The following THSD1 variants were observed in gnomAD, a reference collection of about 807,000 sequenced individuals.
THSD1 encodes thrombospondin type-1 domain-containing protein 1.
A neutral mutation model predicts 46.3 loss-of-function variants in THSD1; 34 were observed. The ratio of observed to expected loss-of-function variants is 0.74; its 90% CI spans 0.56 to 0.98. The LOEUF (loss-of-function observed/expected upper bound fraction) is 0.98, where lower values mean the gene tolerates loss of function less well. Among genes scored for constraint, THSD1 ranks in the 50% least tolerant of loss-of-function variants. The pLI is 0.00. For synonymous variants in THSD1, 407 were observed against 416.5 expected (o/e 0.98, Z 0.28); for missense variants, 1,023 against 1,058.3 (o/e 0.97, Z 0.46).
chr13:52,393,733 GTCAGTGGC>G (rs1373095617), intron 3 of THSD1, among the ~76,000 whole-genome samples: 1 of 152,200 alleles, frequency 6.6e-6, no homozygotes, highest in Non-Finnish European at 1.5e-5. Context: ...TTCAGTGTGA[GTCAGTGGC>G]TTACACAAGT....
At chr13:52,401,465 AT>A (rs977938042) in intron 2 of THSD1, among the ~76,000 whole-genome samples, 4 of 149,686 alleles carry the variant, frequency 2.7e-5, no homozygotes, top group Admixed American at 2.0e-4. Context: ...CATCCGGCTA[AT>A]TTTTTTGTAT....
In THSD1 at chr13:52,378,792, G is replaced by GA. The variant is rs1425405967; in HGVS notation, c.1181-4_1181-3insT. 2.0e-6 allele frequency: 3 copies of GA among 1,499,636 alleles called. No individual in the cohort carries two copies. The highest frequency in any genetic ancestry group is 1.2e-5 in the South Asian group (1 of 81,832). 92.9% of individuals were successfully genotyped at this position (1,499,636 alleles called of 1,614,324 possible). A position where few individuals can be genotyped will look rare whatever the true frequency, so the allele number is the denominator to read the frequency against. On this transcript the variant is annotated splice_region_variant and splice_polypyrimidine_tract_variant and intron_variant, in intron 4 of 4. Coordinates refer to ENST00000258613, the MANE Select transcript of THSD1 (RefSeq NM_018676.4). ...AGATGGGCTGGATGGCTGGAAAGCT[G>GA]CAAAAAAAAACAAAACAAAACAAAC... is the stretch of plus-strand genomic sequence containing the variant.
At chr13:52,393,811 T>C (rs1026633410) in intron 3 of THSD1, among the ~76,000 whole-genome samples, 3 of 152,196 alleles carry the variant, frequency 2.0e-5, no homozygotes, top group African/African-American at 7.2e-5. Flanking sequence ...TGGTCAGAGA[T>C]AGAAAATAAA....
intron 4 of THSD1, among the ~76,000 whole-genome samples, chr13:52,382,052 T>C (rs1012222429): frequency 3.9e-5 from 6 of 152,226 alleles, no homozygotes; most frequent in Non-Finnish European, 7.3e-5. Context: ...AATGAGAACA[T>C]TCACTTATGT....
At chr13:52,403,693 G>A (rs1315995797) in intron 1 of THSD1, among the ~76,000 whole-genome samples, 2 of 152,086 alleles carry the variant, frequency 1.3e-5, no homozygotes, top group Non-Finnish European at 2.9e-5. Flanking sequence ...GTGTTAGGCA[G>A]GATCTCGATC....
chr13:52,392,016 C>T (rs1342446277), intron 3 of THSD1, among the ~76,000 whole-genome samples: 3 of 151,464 alleles, frequency 2.0e-5, no homozygotes, highest in African/African-American at 4.8e-5. Context: ...CACGGTGAAA[C>T]CCCATCTCTA....
In THSD1 at chr13:52,378,396, G is replaced by A; in HGVS notation, c.1574C>T (p.Pro525Leu). 1 of 1,614,072 alleles carries A rather than the reference G, an allele frequency of 6.2e-7. No individual in the cohort carries two copies. The highest frequency in any genetic ancestry group is 8.5e-7 in the Non-Finnish European group (1 of 1,180,034). The change falls in exon 5 of 5, where the codon CCA becomes CTA. Residue 525 changes from proline (P) to leucine (L), a missense_variant. By Grantham distance (98) the Pro-to-Leu change is moderately conservative. This residue lies in a region of THSD1 where 578 missense variants were observed against 497.4 expected (regional missense o/e 1.16). Transcript: ENST00000258613. Reference protein sequence around the residue: ...SFQSNAQKIIPPLFSYRLAQQ... With the variant: ...SFQSNAQKIILPLFSYRLAQQ... ...GGCAAGGCGGTAGCTGAACAGAGGT[G>A]GGATTATCTTCTGGGCGTTGGACTG...
intron 3 of THSD1, among the ~76,000 whole-genome samples, chr13:52,394,159 G>A (rs4491393): frequency 1.3e-5 from 2 of 152,186 alleles, no homozygotes; most frequent in African/African-American, 4.8e-5. Context: ...ACATGGAATG[G>A]AAGCATCTGT....
At chr13:52,380,052 C>T (rs1957680085) in intron 4 of THSD1, among the ~76,000 whole-genome samples, 1 of 152,108 alleles carries the variant, frequency 6.6e-6, no homozygotes, top group Non-Finnish European at 1.5e-5. Flanking sequence ...CTTCTATTTT[C>T]AGCCATCCAC....
intron 3 of THSD1, among the ~76,000 whole-genome samples, chr13:52,386,594 C>T (rs1262369513): frequency 6.6e-6 from 1 of 152,080 alleles, no homozygotes; most frequent in Non-Finnish European, 1.5e-5. Context: ...ATATAGAACC[C>T]CTACGACTCA....
In THSD1 at chr13:52,397,259, C is replaced by G. The variant is rs1322362179; in HGVS notation, c.994G>C (p.Glu332Gln). The stretch of plus-strand genomic sequence containing the variant: ...GTATTTCTCTGAATTAGCATGCACT[C>G]CTCCTTTGCAGAAAAATGGCTTCTG... The part of the protein sequence containing the change: ...SSRSHFSAKE[E>Q]CMLIQRNTET... Residue 332 changes from glutamate (E) to glutamine (Q), a missense_variant, in exon 3 of 5, where the codon GAG becomes CAG. Physicochemically the swap from Glu to Gln is conservative, Grantham distance 29 (BLOSUM62 2). Coordinates refer to ENST00000258613, the MANE Select transcript of THSD1 (RefSeq NM_018676.4). 1.2e-6 allele frequency: 2 copies of G among 1,607,454 alleles called. No individual in the cohort carries two copies. The highest frequency in any genetic ancestry group is 4.5e-5 in the East Asian group (2 of 44,860).
intron 2 of THSD1, among the ~76,000 whole-genome samples, chr13:52,401,131 C>T (rs536144176): frequency 1.3e-5 from 2 of 152,014 alleles, no homozygotes; most frequent in Admixed American, 6.6e-5. Flanking sequence ...CGTCTCACCA[C>T]ATCCAGCTAA....
chr13:52,387,004 A>G (rs1957736157), intron 3 of THSD1, among the ~76,000 whole-genome samples: 1 of 152,176 alleles, frequency 6.6e-6, no homozygotes, highest in Admixed American at 6.5e-5. Context: ...TTAGGAACAC[A>G]GCACTTGCCT....
At chr13:52,391,834 C>T (rs1187996641) in intron 3 of THSD1, among the ~76,000 whole-genome samples, 2 of 151,920 alleles carry the variant, frequency 1.3e-5, no homozygotes, top group African/African-American at 4.8e-5. Context: ...TGAGCCACCG[C>T]AGCCGGCAAA....
chr13:52,392,190 CAA>C (rs368671089), intron 3 of THSD1, among the ~76,000 whole-genome samples: 8 of 69,710 alleles, frequency 1.1e-4, no homozygotes, highest in African/African-American at 1.9e-4. Context: ...AGACTCCTCT[CAA>C]AAAAAAAAAA....
In THSD1 at chr13:52,379,472, T is replaced by C. The variant is rs146418600; in HGVS notation, c.1181-683A>G. On this transcript the variant is annotated intron_variant, in intron 4 of 4. Transcript: ENST00000258613. ...AAGTAGCATGTAGAAATTTTCTTTT[T>C]CTTTTTTTTTTTGTTTTGAGACGGA... Among the ~76,000 whole-genome samples the C allele has an allele frequency of 4.4e-3, 666 of 151,968 alleles. 11 individuals are homozygous for C. The highest frequency in any genetic ancestry group is 0.032 in the Admixed American group (494 of 15,274).
chr13:52,400,069 AC>A (rs1957842803), intron 2 of THSD1: 1 of 150,628 alleles, frequency 6.6e-6, no homozygotes. Context: ...TTGGTATATG[AC>A]CCCCAACTAC....
intron 3 of THSD1, among the ~76,000 whole-genome samples, chr13:52,390,651 C>A (rs1056954855): frequency 6.6e-6 from 1 of 152,136 alleles, no homozygotes; most frequent in Non-Finnish European, 1.5e-5. Flanking sequence ...CTATTAAAGT[C>A]TCTCTGAGTT....
intron 1 of THSD1, chr13:52,402,935 C>A (rs1957876053): frequency 1.0e-6 from 1 of 985,386 alleles, no homozygotes; most frequent in Non-Finnish European, 1.2e-6. Flanking sequence ...ACACCAAAGT[C>A]TCTTCTCTTT....
Sources: gnomAD v4.1 joint callset for allele counts (sites outside exome capture counted in the v4.1 genomes callset) on GRCh38, gnomAD v4.1.1 for gene constraint, gnomAD v4.1.1 regional missense constraint, MANE v1.5 for transcripts, NCBI Gene and HGNC (gene_info 2026-07-23, HGNC 2026-07-21) for gene names.